The following MRPS6 variants were observed in gnomAD, a reference collection of about 807,000 sequenced individuals.
MRPS6 encodes small ribosomal subunit protein bS6m.
Under a neutral mutation model 13.1 loss-of-function variants are expected in MRPS6, and 6 were observed. The ratio of observed to expected loss-of-function variants is 0.46; its 90% CI spans 0.25 to 0.91. The LOEUF (loss-of-function observed/expected upper bound fraction) is 0.91, where lower values mean the gene tolerates loss of function less well. MRPS6 is among the 40% of genes least tolerant of loss of function. The pLI is 0.18. For missense variants in MRPS6, 164 were observed against 155.6 expected (o/e 1.05, Z -0.29); for synonymous variants, 61 against 56.5 (o/e 1.08, Z -0.36).
intron 1 of MRPS6, chr21:34,098,887 AC>A: frequency 1.0e-6 from 1 of 999,090 alleles, no homozygotes. Context: ...ACTTTCTTTG[AC>A]CTTCTTTAAT....
At chr21:34,104,752 C>T in intron 1 of MRPS6, 2 of 1,000,188 alleles carry the variant, frequency 2.0e-6, no homozygotes, top group South Asian at 4.7e-5. Context: ...TGAGGAACAC[C>T]CTTGGCTTAG....
intron 1 of MRPS6, among the ~76,000 whole-genome samples, chr21:34,075,221 ACTTTC>A (rs1989298819): frequency 6.6e-6 from 1 of 152,178 alleles, no homozygotes; most frequent in East Asian, 1.9e-4. Context: ...CCTTTTGTTT[ACTTTC>A]CTTGTCTTGG....
intron 1 of MRPS6, among the ~76,000 whole-genome samples, chr21:34,080,069 C>G (rs971687781): frequency 4.6e-5 from 7 of 152,170 alleles, no homozygotes; most frequent in Admixed American, 2.0e-4. Flanking sequence ...TGGACTCTTG[C>G]AGTTTCTTAG....
At chr21:34,105,969 G>T (rs993521003) in intron 1 of MRPS6, 85 of 994,056 alleles carry the variant, frequency 8.6e-5, no homozygotes, top group Non-Finnish European at 1.0e-4. Flanking sequence ...TATGATCTTG[G>T]TTTCATGTGT....
intron 1 of MRPS6, among the ~76,000 whole-genome samples, chr21:34,113,759 T>C (rs1979798545): frequency 6.6e-6 from 1 of 152,228 alleles, no homozygotes; most frequent in Non-Finnish European, 1.5e-5. Context: ...GAACTTCTCT[T>C]AACCCAGTCC....
chr21:34,103,143 A>G (rs1279750338), intron 1 of MRPS6: 3 of 999,714 alleles, frequency 3.0e-6, no homozygotes, highest in African/African-American at 1.7e-5. Flanking sequence ...CCAAACTGGC[A>G]AAGGCCAGTA....
At chr21:34,077,567 G>A (rs924734596) in intron 1 of MRPS6, among the ~76,000 whole-genome samples, 8 of 152,064 alleles carry the variant, frequency 5.3e-5, no homozygotes, top group African/African-American at 1.7e-4. Context: ...CAATAAGATA[G>A]CATTTATATA....
At chr21:34,125,165 A>G (rs1352191035) in intron 1 of MRPS6, 176 bp from the exon 2 acceptor site, 4 of 1,013,368 alleles carry the variant, frequency 3.9e-6, no homozygotes, top group Non-Finnish European at 5.5e-6. Flanking sequence ...TATCCTTACA[A>G]TAAATTCTCT....
chr21:34,120,960 G>A (rs1980096991), intron 1 of MRPS6, among the ~76,000 whole-genome samples: 1 of 152,160 alleles, frequency 6.6e-6, no homozygotes, highest in South Asian at 2.1e-4. Context: ...GGAAAGATAG[G>A]AGTAAGTAAG....
At chr21:34,127,023 G>A (rs1294328466) in intron 2 of MRPS6, among the ~76,000 whole-genome samples, 2 of 152,160 alleles carry the variant, frequency 1.3e-5, no homozygotes, top group Admixed American at 1.3e-4. Context: ...GAGCCCACTG[G>A]GACCAAGCCA....
chr21:34,090,335 A>G (rs764405417), intron 1 of MRPS6, among the ~76,000 whole-genome samples: 49 of 152,254 alleles, frequency 3.2e-4, no homozygotes, highest in Non-Finnish European at 5.9e-4. Context: ...TTAGTAGTCT[A>G]TTCCACCACA....
chr21:34,095,826 T>C, intron 1 of MRPS6: 1 of 1,610,988 alleles, frequency 6.2e-7, no homozygotes. Context: ...GATTGGCGGG[T>C]TTGAGGAAGT....
intron 1 of MRPS6, among the ~76,000 whole-genome samples, chr21:34,087,893 G>T (rs78931500): frequency 0.017 from 2,615 of 152,322 alleles, 67 homozygotes; most frequent in African/African-American, 0.061. Context: ...AGGCTTTGCT[G>T]ATGGATTGAT....
intron 1 of MRPS6, among the ~76,000 whole-genome samples, chr21:34,117,292 T>C (rs1281053492): frequency 6.6e-5 from 10 of 152,312 alleles, no homozygotes; most frequent in Non-Finnish European, 1.5e-5. Context: ...TCCTTTCGTC[T>C]GCTGTTAGTT....
intron 2 of MRPS6, among the ~76,000 whole-genome samples, chr21:34,135,095 A>G (rs949544597): frequency 1.5e-4 from 23 of 152,124 alleles, no homozygotes; most frequent in African/African-American, 4.6e-4. Context: ...TTTGAGATCA[A>G]TAGTGTGTAT....
intron 1 of MRPS6, chr21:34,099,766 A>G (rs1979150373): frequency 8.6e-6 from 8 of 928,290 alleles, no homozygotes. Context: ...AAAGTCTGTA[A>G]ATAAGGAATG....
Position 34,073,659 on chromosome 21 carries a change from G to C in MRPS6, c.-42G>C, listed in dbSNP as rs1348378540. 7 of 1,509,312 alleles carry C rather than the reference G, an allele frequency of 4.6e-6. No homozygotes were observed. Among genetic ancestry groups the C allele is most frequent in the Non-Finnish European group, 5.4e-6 (6 of 1,119,788 alleles). The allele number at this position is 1,509,312 out of a possible 1,614,324, so 93.5% of individuals were successfully genotyped here. ...GCCGTCCCGCCCCTTCGCGTCCCGG[G>C]AACCGGCTGGCTTCCGAGCCGCACT... On this transcript the variant is annotated 5_prime_UTR_variant, in exon 1 of 3. Coordinates refer to ENST00000399312, the MANE Select transcript of MRPS6 (RefSeq NM_032476.4).
chr21:34,075,179 A>G (rs760037637), intron 1 of MRPS6, among the ~76,000 whole-genome samples: 4 of 152,232 alleles, frequency 2.6e-5, no homozygotes, highest in Non-Finnish European at 5.9e-5. Flanking sequence ...GTTTTAGGGA[A>G]TGTGGAACCT....
chr21:34,097,805 A>C (rs1211465946), intron 1 of MRPS6: 1 of 1,000,244 alleles, frequency 1.0e-6, no homozygotes, highest in Non-Finnish European at 1.2e-6. Context: ...TAGACATTGT[A>C]CAATCAGTTA....
Sources: gnomAD v4.1 joint callset for allele counts (sites outside exome capture counted in the v4.1 genomes callset) on GRCh38, gnomAD v4.1.1 for gene constraint, MANE v1.5 for transcripts, NCBI Gene and HGNC (gene_info 2026-07-23, HGNC 2026-07-21) for gene names.